Variants in SHD observed in about 807,000 individuals in gnomAD.
The protein encoded by SHD is SH2 domain-containing adapter protein D.
SHD carries 29 observed loss-of-function variants against 31.2 expected under a neutral mutation model. That is an observed-to-expected ratio of 0.93 (90% confidence interval 0.69 to 1.27). The LOEUF (loss-of-function observed/expected upper bound fraction) is 1.27. SHD is among the 50% of genes most tolerant of loss of function. The probability of loss-of-function intolerance (pLI) is 0.00; values close to 1 mark genes in which losing one functional copy is unlikely to be tolerated. For synonymous variants in SHD, 208 were observed against 187.8 expected (o/e 1.11, Z -0.88); for missense variants, 520 against 453.8 (o/e 1.15, Z -1.33).
At chr19:4,281,942 G>T (rs545702009) in intron 1 of SHD, among the ~76,000 whole-genome samples, 2 of 152,236 alleles carry the variant, frequency 1.3e-5, no homozygotes, top group African/African-American at 4.8e-5. Context: ...ATTACATGTT[G>T]GTATTACAAA....
intron 4 of SHD, 67 bp downstream of exon 4, chr19:4,284,971 A>C (rs1466672203): frequency 7.2e-7 from 1 of 1,395,746 alleles, no homozygotes; most frequent in African/African-American, 1.5e-5. Flanking sequence ...TGTATCAGGC[A>C]GAAGTTTTTT....
intron 4 of SHD, among the ~76,000 whole-genome samples, chr19:4,286,090 C>T (rs1034697620): frequency 6.6e-6 from 1 of 150,910 alleles, no homozygotes; most frequent in Non-Finnish European, 1.5e-5. Flanking sequence ...CAGAGTTTCA[C>T]CATGTTAGCC....
chr19:4,290,218 T>C (rs1971362683), intron 5 of SHD, among the ~76,000 whole-genome samples: 1 of 152,108 alleles, frequency 6.6e-6, no homozygotes, highest in African/African-American at 2.4e-5. Flanking sequence ...CTCACTCTGT[T>C]GGCCAGGCTG....
At chr19:4,286,271 CTTTCTTTCTTTTT>C (rs1568369437) in intron 4 of SHD, among the ~76,000 whole-genome samples, 37 of 124,670 alleles carry the variant, frequency 3.0e-4, no homozygotes, top group African/African-American at 9.2e-4. Context: ...CTCTTTCTTT[CTTTCTTTCTTTTT>C]TTCTTTCCTT....
At chr19:4,289,347 G>A (rs1477270078) in intron 5 of SHD, among the ~76,000 whole-genome samples, 7 of 150,554 alleles carry the variant, frequency 4.6e-5, no homozygotes, top group Non-Finnish European at 7.4e-5. Context: ...TCCTGACCTC[G>A]TGATCCGCCC....
rs769102068 is a variant in SHD at position 4,290,575 on chromosome 19, C to T, written c.965C>T (p.Pro322Leu). The change falls in exon 6 of 6, where the codon CCG (proline) becomes CTG (leucine). Residue 322 changes from proline to leucine, a missense_variant. Coordinates refer to ENST00000543264, the MANE Select transcript of SHD (RefSeq NM_020209.4). ...CTCCACTACAGTTCACGCCCACTGC[C>T]GGTGCAGGGTGCCGAGCATCTGGCT... Reference protein sequence around the residue: ...LVLHYSSRPLPVQGAEHLALL... With the variant: ...LVLHYSSRPLLVQGAEHLALL... 2.9e-5 allele frequency: 46 copies of T among 1,613,504 alleles called. No individual in the cohort carries two copies. Among genetic ancestry groups the T allele is most frequent in the South Asian group, 9.9e-5 (9 of 91,066 alleles).
Position 4,280,068 on chromosome 19 carries a change from C to T in SHD, c.5C>T (p.Ala2Val). 6.2e-7 allele frequency: 1 copy of T among 1,600,778 alleles called. No homozygotes were observed. The highest frequency in any genetic ancestry group is 8.5e-7 in the Non-Finnish European group (1 of 1,174,644). Reference sequence around the variant, plus strand: ...ATTGGGGTGACAGGCGCCCAAATGGCCAAGTGGCTACGGGACTACCTGAGC... The same window carrying T: ...ATTGGGGTGACAGGCGCCCAAATGGTCAAGTGGCTACGGGACTACCTGAGC... M[A>V]KWLRDYLSFG... The change falls in exon 1 of 6, where the codon GCC becomes GTC. Residue 2 changes from alanine to valine, a missense_variant. Physicochemically the swap from Ala to Val is moderately conservative, Grantham distance 64. Coordinates refer to ENST00000543264, the MANE Select transcript of SHD (RefSeq NM_020209.4).
At position 4,288,351 on chromosome 19, in the gene SHD, C is replaced by T. The variant is rs1363492596; in HGVS notation, c.825C>T (p.Ser275=). 6.2e-7 allele frequency: 1 copy of T among 1,613,098 alleles called. No individual in the cohort carries two copies. Among genetic ancestry groups the T allele is most frequent in the Admixed American group, 1.7e-5 (1 of 59,800 alleles). The change falls in exon 5 of 6, where the codon TCC becomes TCT. Residue 275 remains serine (S), a synonymous_variant. Coordinates refer to ENST00000543264, the MANE Select transcript of SHD (RefSeq NM_020209.4). ...RLSETNPQDC[S]LSLRSSQGFL... ...GTGAGACCAACCCCCAGGACTGCTC[C>T]TTGTCTCTCAGGTGAGAACTCAGCC...
chr19:4,284,939 T>C (rs750942757), intron 4 of SHD, 35 bp downstream of exon 4: 1 of 1,555,110 alleles, frequency 6.4e-7, no homozygotes, highest in South Asian at 1.2e-5. Context: ...AGAGCCCCGT[T>C]GAACGTATCT....
chr19:4,280,059 C>G lies in SHD; in HGVS notation c.-5C>G. 1 of 1,593,214 alleles carries G rather than the reference C, an allele frequency of 6.3e-7. No individual in the cohort carries two copies. Among genetic ancestry groups the G allele is most frequent in the Non-Finnish European group, 8.5e-7 (1 of 1,170,862 alleles). On this transcript the variant is annotated 5_prime_UTR_variant, in exon 1 of 6. Transcript: ENST00000543264. The stretch of plus-strand genomic sequence containing the variant: ...AGTGGCCCGATTGGGGTGACAGGCG[C>G]CCAAATGGCCAAGTGGCTACGGGAC...
intron 3 of SHD, 100 bp from the exon 4 acceptor site, chr19:4,284,681 G>C: frequency 7.4e-7 from 1 of 1,345,704 alleles, no homozygotes; most frequent in Non-Finnish European, 9.7e-7. Context: ...GTTGTCCCAA[G>C]CTGGCCCTGC....
intron 5 of SHD, among the ~76,000 whole-genome samples, chr19:4,289,864 C>T (rs1258493808): frequency 6.6e-6 from 1 of 151,584 alleles, no homozygotes; most frequent in Non-Finnish European, 1.5e-5. Context: ...AGCCACCGCG[C>T]CCAGCCTATT....
At chr19:4,289,862 C>T (rs1312424249) in intron 5 of SHD, among the ~76,000 whole-genome samples, 3 of 151,750 alleles carry the variant, frequency 2.0e-5, no homozygotes, top group Admixed American at 6.6e-5. Context: ...TGAGCCACCG[C>T]GCCCAGCCTA....
intron 3 of SHD, 33 bp from the exon 4 acceptor site, chr19:4,284,748 C>T (rs1322949169): frequency 1.3e-6 from 2 of 1,550,750 alleles, no homozygotes. Context: ...GTAGGCTGGA[C>T]TTAACCCTTT....
At chr19:4,287,445 G>C (rs879567674) in intron 4 of SHD, among the ~76,000 whole-genome samples, 1 of 152,048 alleles carries the variant, frequency 6.6e-6, no homozygotes, top group Admixed American at 6.6e-5. Flanking sequence ...GGGAGGCTGT[G>C]AAGATCAATG....
At chr19:4,284,737 G>A (rs749813552) in intron 3 of SHD, 44 bp from the exon 4 acceptor site, 1 of 1,475,872 alleles carries the variant, frequency 6.8e-7, no homozygotes, top group Non-Finnish European at 9.1e-7. Context: ...CGCCCCCCAA[G>A]GTAGGCTGGA....
At chr19:4,286,335 C>T (rs35006343) in intron 4 of SHD, among the ~76,000 whole-genome samples, 40,193 of 126,934 alleles carry the variant, frequency 0.32, 6,914 homozygotes, top group Admixed American at 0.41. Flanking sequence ...TTCCTTCCTT[C>T]CTTTCTTTCT....
At position 4,290,647 on chromosome 19, in the gene SHD, C is replaced by A. The variant is rs371396389; in HGVS notation, c.*14C>A. ...CAGACCCCCTGACAGTGACCCTCGG[C>A]CCCCTTTTGAGTCCTCGGGCCCAGA... On this transcript the variant is annotated 3_prime_UTR_variant, in exon 6 of 6. Transcript: ENST00000543264. 122 of 1,577,170 alleles carry A rather than the reference C, an allele frequency of 7.7e-5. No homozygotes were observed. Among genetic ancestry groups the A allele is most frequent in the Non-Finnish European group, 1.0e-4 (116 of 1,158,604 alleles).
Position 4,290,571 on chromosome 19 carries a change from C to G in SHD, c.961C>G (p.Leu321Val), listed in dbSNP as rs1568370558. 6.2e-7 allele frequency: 1 copy of G among 1,613,614 alleles called. No homozygotes were observed. Among genetic ancestry groups the G allele is most frequent in the African/African-American group, 1.3e-5 (1 of 74,936 alleles). Residue 321 changes from leucine to valine, a missense_variant, in exon 6 of 6, where the codon CTG becomes GTG. By Grantham distance (32) the Leu-to-Val change is conservative. Transcript: ENST00000543264. ...CGTCCTCCACTACAGTTCACGCCCACTGCCGGTGCAGGGTGCCGAGCATCT... is the reference window on the plus strand; with the variant it reads ...CGTCCTCCACTACAGTTCACGCCCAGTGCCGGTGCAGGGTGCCGAGCATCT... ...ELVLHYSSRP[L>V]PVQGAEHLAL...
Sources: allele counts gnomAD v4.1 joint callset (sites outside exome capture counted in the v4.1 genomes callset), GRCh38; gene constraint gnomAD v4.1.1; transcripts MANE v1.5; gene names NCBI Gene and HGNC (gene_info 2026-07-23, HGNC 2026-07-21).